The following CPNE7 variants were observed in gnomAD, a reference collection of about 807,000 sequenced individuals.
CPNE7 encodes copine-7.
In CPNE7, 78 loss-of-function variants were observed where a neutral mutation model predicts 66.5. The ratio of observed to expected loss-of-function variants is 1.17; its 90% CI spans 0.98 to 1.42. The LOEUF (loss-of-function observed/expected upper bound fraction) is 1.42. CPNE7 is among the 40% of genes most tolerant of loss of function. The probability of loss-of-function intolerance (pLI) is 0.00; values close to 1 mark genes in which losing one functional copy is unlikely to be tolerated. For synonymous variants in CPNE7, 468 were observed against 336.7 expected (o/e 1.39, Z -4.27); for missense variants, 1,012 against 776.6 (o/e 1.30, Z -3.60).
intron 7 of CPNE7, among the ~76,000 whole-genome samples, 155 bp downstream of exon 7, chr16:89,585,940 A>G (rs1445207489): frequency 1.1e-5 from 1 of 89,470 alleles, no homozygotes; most frequent in African/African-American, 4.4e-5. Flanking sequence ...GTGGAGGGGC[A>G]TGTGGGTGGG....
chr16:89,579,009 G>C lies in CPNE7; in HGVS notation c.357+1288G>C. 3 of 1,583,616 alleles carry C rather than the reference G, an allele frequency of 1.9e-6. 1 individual carries two copies. The South Asian group carries it at 3.4e-5, about 18-fold the overall frequency. On this transcript the variant is annotated intron_variant, in intron 2 of 14. Transcript: ENST00000319518. The stretch of plus-strand genomic sequence containing the variant: ...CTTTTTTATTGAGGTAAAATTTACA[G>C]GCCGGGCACGGTGGCTCACGCCTGT...
rs2059006294 is a variant in CPNE7, at chr16:89,584,580, G to A, written c.508-194G>A. ...GGGTGACTCCATGGAGGGCTGAGTT[G>A]CCCGCCGTGGTCAGATCCCTGGGGG... On this transcript the variant is annotated intron_variant, in intron 4 of 14. Coordinates refer to ENST00000319518, the MANE Select transcript of CPNE7 (RefSeq NM_153636.3). The surrounding 1 kb of genome is among the most constrained non-coding windows in gnomAD (Gnocchi z 6.0). 7.0e-6 allele frequency among the ~76,000 whole-genome samples: 1 copy of A among 141,852 alleles called. No homozygotes were observed. The highest frequency in any genetic ancestry group is 1.6e-5 in the Non-Finnish European group (1 of 64,392). The allele number at this position is 141,852 out of a possible 152,430, so 93.1% of individuals were successfully genotyped here. A position where few individuals can be genotyped will look rare whatever the true frequency, so the allele number is the denominator to read the frequency against.
rs2059161153 is a variant in CPNE7 at position 89,591,116 on chromosome 16, G to A, written c.1169-11G>A. On this transcript the variant is annotated splice_polypyrimidine_tract_variant and intron_variant, in intron 12 of 14. Transcript: ENST00000319518. ...TGCAGGGGGGCCGGGCTCACCCCCT[G>A]CCCCCCACAGGCATCCAGGGCGTGG... is the stretch of plus-strand genomic sequence containing the variant. The A allele has an allele frequency of 6.2e-7, 1 of 1,612,752 alleles. No homozygotes were observed. The highest frequency in any genetic ancestry group is 8.5e-7 in the Non-Finnish European group (1 of 1,179,690).
chr16:89,595,801 GT>G, intron 14 of CPNE7, 198 bp downstream of exon 14: 1 of 695,902 alleles, frequency 1.4e-6, no homozygotes, highest in East Asian at 2.7e-5. Context: ...ACCCTCCACC[GT>G]TTTGAAACTT....
intron 13 of CPNE7, among the ~76,000 whole-genome samples, chr16:89,593,438 C>T (rs1363748739): frequency 4.0e-5 from 6 of 151,500 alleles, no homozygotes; most frequent in Admixed American, 2.0e-4. Flanking sequence ...CTGCAAGCTC[C>T]GCCTCCCGGG....
At chr16:89,589,217 G>A (rs377413959) in intron 10 of CPNE7, among the ~76,000 whole-genome samples, 41 of 152,268 alleles carry the variant, frequency 2.7e-4, no homozygotes, top group East Asian at 1.9e-3. Flanking sequence ...ACTGGAACCC[G>A]GGAGGCGGAG....
At chr16:89,588,922 C>G (rs572960285) in intron 10 of CPNE7, 114 bp downstream of exon 10, 12 of 1,362,062 alleles carry the variant, frequency 8.8e-6, no homozygotes, top group Middle Eastern at 1.8e-4. Flanking sequence ...ACAGGTGCAC[C>G]CGGCCGGTTT....
intron 14 of CPNE7, 30 bp downstream of exon 14, chr16:89,595,633 C>A: frequency 1.9e-6 from 3 of 1,566,444 alleles, no homozygotes; most frequent in Non-Finnish European, 2.6e-6. Flanking sequence ...TCCGTCAAGG[C>A]CGGCTTGGGG....
intron 13 of CPNE7, among the ~76,000 whole-genome samples, chr16:89,594,619 T>C (rs951600538): frequency 6.6e-6 from 1 of 150,544 alleles, no homozygotes; most frequent in Non-Finnish European, 1.5e-5. Context: ...TGGAAGTTGA[T>C]TTTATTTGAA....
chr16:89,596,497 C>CGCTGGCCAAGTGCGT lies in CPNE7; in HGVS notation c.1561_1575dup (p.Lys521_Ala525dup), dbSNP rs1300316708. The CGCTGGCCAAGTGCGT allele has an allele frequency of 6.2e-7, 1 of 1,608,304 alleles. No individual in the cohort carries two copies. The highest frequency in any genetic ancestry group is 8.5e-7 in the Non-Finnish European group (1 of 1,179,160). On this transcript the variant is annotated inframe_insertion, in exon 15 of 15. Coordinates refer to ENST00000319518, the MANE Select transcript of CPNE7 (RefSeq NM_153636.3). The stretch of plus-strand genomic sequence containing the variant: ...CCCATCCTCCAGGCATCCCCTGCGG[C>CGCTGGCCAAGTGCGT]GCTGGCCAAGTGCGTGCTGGCCGAG...
At chr16:89,579,002 A>G in intron 2 of CPNE7, 1 of 1,595,856 alleles carries the variant, frequency 6.3e-7, no homozygotes, top group Non-Finnish European at 8.6e-7. Context: ...TTGAGGTAAA[A>G]TTTACAGGCC....
In CPNE7 at chr16:89,596,608, G is replaced by C; in HGVS notation, c.1664G>C (p.Gly555Ala). The change falls in exon 15 of 15, where the codon GGC becomes GCC. Residue 555 changes from glycine to alanine, a missense_variant. Transcript: ENST00000319518. ...GTCCCTGCCGGAGAGGCCAGCCCAG[G>C]CTGCACACCGTGAAGATGTGGAGGG... Reference protein sequence around the residue: ...LGVPAGEASPGCTP With the variant: ...LGVPAGEASPACTP The C allele has an allele frequency of 6.2e-7, 1 of 1,603,056 alleles. No individual in the cohort carries two copies. Among genetic ancestry groups the C allele is most frequent in the Non-Finnish European group, 8.5e-7 (1 of 1,178,214 alleles).
intron 1 of CPNE7, among the ~76,000 whole-genome samples, chr16:89,576,862 C>G (rs2058868628): frequency 6.6e-6 from 1 of 152,134 alleles, no homozygotes; most frequent in Non-Finnish European, 1.5e-5. Flanking sequence ...AAGGGCCTGC[C>G]CCGCCCTCAC....
intron 2 of CPNE7, among the ~76,000 whole-genome samples, chr16:89,582,618 C>T (rs183400519): frequency 2.6e-5 from 4 of 152,370 alleles, no homozygotes; most frequent in African/African-American, 7.2e-5. Context: ...CTAAGAGAGC[C>T]TTCCCACCCC....
chr16:89,594,640 G>A (rs1758817001), intron 13 of CPNE7, among the ~76,000 whole-genome samples: 1 of 117,012 alleles, frequency 8.5e-6, no homozygotes, highest in African/African-American at 3.2e-5. Context: ...GTTCCATTCT[G>A]CCTTTTTTTT....
intron 1 of CPNE7, among the ~76,000 whole-genome samples, chr16:89,576,434 T>G (rs1339316247): frequency 5.9e-5 from 7 of 118,626 alleles, no homozygotes; most frequent in East Asian, 2.4e-4. Flanking sequence ...GATTGAGGGG[T>G]GAGGGGCGCC....
In CPNE7 at chr16:89,595,603, C is replaced by T. The variant is rs751373886; in HGVS notation, c.1539C>T (p.Asn513=). ...TCGTGCCCTTCCGGGAGCTCAAGAA[C>T]GTGAGTGTCCTGGAGGGGCTCCGTC... ...VQFVPFRELK[N]ASPAALAKCV... The change falls in exon 14 of 15, where the codon AAC becomes AAT. Residue 513 remains asparagine, a splice_region_variant and synonymous_variant. Transcript: ENST00000319518. 7.5e-6 allele frequency: 12 copies of T among 1,599,406 alleles called. No homozygotes were observed. The highest frequency in any genetic ancestry group is 6.7e-5 in the East Asian group (3 of 44,570).
intron 10 of CPNE7, 141 bp from the exon 11 acceptor site, chr16:89,589,756 C>G: frequency 1.2e-6 from 1 of 844,450 alleles, no homozygotes; most frequent in Non-Finnish European, 1.9e-6. Flanking sequence ...CGGTTCCCCA[C>G]CTCTGGCAGG....
At chr16:89,588,332 G>T (rs2059116638) in intron 9 of CPNE7, among the ~76,000 whole-genome samples, 1 of 152,244 alleles carries the variant, frequency 6.6e-6, no homozygotes, top group Non-Finnish European at 1.5e-5. Flanking sequence ...AAACGTGGGG[G>T]GACCCAGACC....
Sources: allele counts gnomAD v4.1 joint callset (sites outside exome capture counted in the v4.1 genomes callset), GRCh38; gene constraint gnomAD v4.1.1; non-coding constraint Gnocchi (gnomAD v3.1); transcripts MANE v1.5; gene names NCBI Gene and HGNC (gene_info 2026-07-23, HGNC 2026-07-21).